THSD7B: variants seen among roughly 807,000 people sequenced by gnomAD.
The protein encoded by THSD7B is thrombospondin type 1 domain containing 7B.
A neutral mutation model predicts 213.6 loss-of-function variants in THSD7B; 138 were observed. That is an observed-to-expected ratio of 0.65 (90% confidence interval 0.56 to 0.74). THSD7B has a LOEUF of 0.74. Among genes scored for constraint, THSD7B ranks in the 30% least tolerant of loss-of-function variants. The probability of loss-of-function intolerance (pLI) is 0.00; values close to 1 mark genes in which losing one functional copy is unlikely to be tolerated. For missense variants in THSD7B, 1,931 were observed against 1,991.5 expected, an observed-to-expected ratio of 0.97 and a Z score of 0.58; for synonymous variants, 742 against 687.0, an observed-to-expected ratio of 1.08 and a Z score of -1.25.
chr2:136,862,871 C>G lies in THSD7B; in HGVS notation c.-35-19273C>G, dbSNP rs183492650. ...GAGAGCTTGCCCTGTTTTCTACTTT[C>G]AGGGACTTAACTGCTAACTTAATGG... On this transcript the variant is annotated intron_variant, in intron 1 of 27. Transcript: ENST00000409968. 3.9e-3 allele frequency among the ~76,000 whole-genome samples: 590 copies of G among 152,318 alleles called. 5 individuals are homozygous for G. The highest frequency in any genetic ancestry group is 0.014 in the African/African-American group (566 of 41,572).
chr2:136,884,484 G>T (rs1683683147), intron 2 of THSD7B, among the ~76,000 whole-genome samples: 1 of 152,150 alleles, frequency 6.6e-6, no homozygotes, highest in Non-Finnish European at 1.5e-5. Context: ...TATCTGCCAG[G>T]CCTCCCATTG....
intron 20 of THSD7B, among the ~76,000 whole-genome samples, chr2:137,638,548 A>T (rs1403195857): frequency 1.3e-5 from 2 of 152,126 alleles, no homozygotes; most frequent in African/African-American, 4.8e-5. Context: ...ATACCAGTAC[A>T]TTGGGGCACT....
At chr2:137,143,899 A>G (rs1256926334) in intron 5 of THSD7B, among the ~76,000 whole-genome samples, 1 of 152,010 alleles carries the variant, frequency 6.6e-6, no homozygotes, top group East Asian at 1.9e-4. Context: ...TTTGATTTGT[A>G]CATATTTCTG....
At chr2:137,507,641 C>CATAG (rs1679866449) in intron 15 of THSD7B, among the ~76,000 whole-genome samples, 1 of 152,102 alleles carries the variant, frequency 6.6e-6, no homozygotes, top group African/African-American at 2.4e-5. Flanking sequence ...ATTTCCAAAC[C>CATAG]TGAATTTTTC....
intron 26 of THSD7B, 101 bp downstream of exon 26, chr2:137,663,676 G>A (rs959865638): frequency 1.4e-5 from 16 of 1,113,736 alleles, no homozygotes. Context: ...GAGGAAAAGA[G>A]GAGAGAAGAA....
At chr2:137,368,408 C>A (rs1049086268) in intron 12 of THSD7B, among the ~76,000 whole-genome samples, 1 of 150,754 alleles carries the variant, frequency 6.6e-6, no homozygotes, top group Non-Finnish European at 1.5e-5. Flanking sequence ...TTTTTCAAGT[C>A]TTTTGGTTTC....
intron 5 of THSD7B, among the ~76,000 whole-genome samples, chr2:137,144,514 G>A (rs1266840513): frequency 6.6e-6 from 1 of 151,912 alleles, no homozygotes; most frequent in East Asian, 1.9e-4. Context: ...AGTATCATAG[G>A]GGAATTTAAC....
At chr2:136,869,089 T>C (rs1047347947) in intron 1 of THSD7B, among the ~76,000 whole-genome samples, 5 of 152,198 alleles carry the variant, frequency 3.3e-5, no homozygotes, top group Admixed American at 2.0e-4. Context: ...TTCCTTTTTT[T>C]ATAATTTGTA....
chr2:137,587,575 G>A (rs1681764545), intron 17 of THSD7B, among the ~76,000 whole-genome samples: 1 of 152,224 alleles, frequency 6.6e-6, no homozygotes, highest in Admixed American at 6.5e-5. Context: ...TCAACTGCAG[G>A]TCTGTTGGAG....
chr2:137,270,167 TAC>T (rs1682699592), intron 10 of THSD7B, among the ~76,000 whole-genome samples: 1 of 89,652 alleles, frequency 1.1e-5, no homozygotes, highest in African/African-American at 4.6e-5. Flanking sequence ...TGTGAGGCAA[TAC>T]AGAGATGGAA....
chr2:137,230,997 CTTGA>C, intron 7 of THSD7B, 43 bp from the exon 8 acceptor site: 1 of 1,566,226 alleles, frequency 6.4e-7, no homozygotes, highest in Non-Finnish European at 8.7e-7. Context: ...AGCAGTGAGG[CTTGA>C]TTGTGCATTA....
chr2:137,577,846 C>T (rs1028877929), intron 17 of THSD7B, among the ~76,000 whole-genome samples: 8 of 152,028 alleles, frequency 5.3e-5, no homozygotes, highest in Admixed American at 3.3e-4. Flanking sequence ...AAATTAAAAA[C>T]GTGACTCATA....
At chr2:137,610,981 C>T (rs945510564) in intron 17 of THSD7B, among the ~76,000 whole-genome samples, 1 of 144,972 alleles carries the variant, frequency 6.9e-6, no homozygotes, top group Non-Finnish European at 1.5e-5. Flanking sequence ...TACCCTAAAA[C>T]TTAAAGTATA....
At chr2:137,173,331 T>A (rs1680299839) in intron 7 of THSD7B, among the ~76,000 whole-genome samples, 1 of 152,190 alleles carries the variant, frequency 6.6e-6, no homozygotes, top group Non-Finnish European at 1.5e-5. Flanking sequence ...AACACAAAGA[T>A]CATTGGTTTG....
At chr2:137,419,742 C>T (rs6706677) in intron 14 of THSD7B, among the ~76,000 whole-genome samples, 12,881 of 151,646 alleles carry the variant, frequency 0.085, 1,163 homozygotes, top group African/African-American at 0.22. Flanking sequence ...CAATCTGGTC[C>T]GAGAATTTAC....
intron 12 of THSD7B, among the ~76,000 whole-genome samples, chr2:137,330,251 C>T (rs1684471015): frequency 6.6e-6 from 1 of 152,140 alleles, no homozygotes. Context: ...GTCAGAACCC[C>T]CACACGGAGT....
intron 7 of THSD7B, among the ~76,000 whole-genome samples, chr2:137,192,677 T>A (rs1440492099): frequency 1.3e-5 from 2 of 152,214 alleles, no homozygotes; most frequent in Non-Finnish European, 2.9e-5. Flanking sequence ...CACACTACCT[T>A]TATGCATTTT....
At chr2:137,619,846 G>A (rs1490050476) in intron 19 of THSD7B, among the ~76,000 whole-genome samples, 1 of 152,134 alleles carries the variant, frequency 6.6e-6, no homozygotes, top group Non-Finnish European at 1.5e-5. Context: ...TTACCCACTT[G>A]GCAAGTCATT....
rs199572119 is a variant in THSD7B at position 137,446,667 on chromosome 2, A to AAAG, written c.2960-4177_2960-4175dup. Among the ~76,000 whole-genome samples, 1,351 of 152,206 alleles carry AAAG rather than the reference A, an allele frequency of 8.9e-3. 15 individuals carry two copies. Among genetic ancestry groups the AAAG allele is most frequent in the African/African-American group, 0.031 (1,283 of 41,556 alleles). ...ATACTGATAACTAAAATAGAACACT[A>AAAG]AAGTATCCCTAGGCCAAGTAATAAG... On this transcript the variant is annotated intron_variant, in intron 14 of 27. Transcript: ENST00000409968.
Sources: gnomAD v4.1 joint callset for allele counts (sites outside exome capture counted in the v4.1 genomes callset) on GRCh38, gnomAD v4.1.1 for gene constraint, MANE v1.5 for transcripts, NCBI Gene and HGNC (gene_info 2026-07-23, HGNC 2026-07-21) for gene names.